PALMD: variants seen among roughly 807,000 people sequenced by gnomAD.
PALMD encodes paralemmin-like protein.
A neutral mutation model predicts 56.2 loss-of-function variants in PALMD; 42 were observed. The observed-to-expected ratio is 0.75, with a 90% confidence interval of 0.58 to 0.97. The LOEUF is 0.97. Among genes scored for constraint, PALMD ranks in the 50% least tolerant of loss-of-function variants. The pLI is 0.00. For synonymous variants in PALMD, 242 were observed against 222.9 expected (o/e 1.09, Z -0.76); for missense variants, 660 against 643.8 (o/e 1.03, Z -0.27).
chr1:99,689,110 C>T lies in PALMD; in HGVS notation c.850C>T (p.Gln284Ter), dbSNP rs775271208. 2 of 1,613,256 alleles carry T rather than the reference C, an allele frequency of 1.2e-6. No individual in the cohort carries two copies. The highest frequency in any genetic ancestry group is 1.1e-5 in the South Asian group (1 of 91,018). Residue 284 changes from glutamine to a stop codon, truncating the protein, a stop_gained, in exon 7 of 8, where the codon CAA (glutamine) becomes TAA (stop). Coordinates refer to ENST00000263174, the MANE Select transcript of PALMD (RefSeq NM_017734.5). LOFTEE classifies it high-confidence loss of function. ...RETVTPGPNF[Q>*]ERIKIKTNGL... The stretch of plus-strand genomic sequence containing the variant: ...AACGGTGACCCCTGGACCAAACTTT[C>T]AAGAAAGGATAAAGATTAAAACTAA...
At chr1:99,660,789 G>C (rs1652829929) in intron 1 of PALMD, among the ~76,000 whole-genome samples, 2 of 152,196 alleles carry the variant, frequency 1.3e-5, no homozygotes, top group Admixed American at 1.3e-4. Context: ...AGGAAGCTAA[G>C]GCAGGAGGAT....
chr1:99,680,726 T>A (rs1351734578), intron 3 of PALMD, among the ~76,000 whole-genome samples: 2 of 152,132 alleles, frequency 1.3e-5, no homozygotes, highest in Non-Finnish European at 2.9e-5. Flanking sequence ...GCTCTCCATT[T>A]GAAAAAATTT....
At position 99,662,499 on chromosome 1, in the gene PALMD, T is replaced by G; in HGVS notation, c.126+100T>G. ...AAAAAGCTTTAGGAAAGAAAAAAAT[T>G]TCAAGATAGTTTGACTAACATTGTA... is the stretch of plus-strand genomic sequence containing the variant. On this transcript the variant is annotated intron_variant, in intron 2 of 7. Coordinates refer to ENST00000263174, the MANE Select transcript of PALMD (RefSeq NM_017734.5). The G allele has an allele frequency of 4.1e-6, 3 of 725,928 alleles. No homozygotes were observed. In the South Asian group the frequency reaches 4.9e-5, roughly 12 times the overall value. 45.0% of individuals were successfully genotyped at this position (725,928 alleles called of 1,614,324 possible).
rs372107029 is a variant in PALMD at position 99,693,044 on chromosome 1, A to G, written c.1613-975A>G. On this transcript the variant is annotated intron_variant, in intron 7 of 7. Coordinates refer to ENST00000263174, the MANE Select transcript of PALMD (RefSeq NM_017734.5). ...TGGTCTTGTTACAGAATTAGATCCC[A>G]TCCCTTCTCATATTTGTGCAAAAAG... 6.6e-5 allele frequency among the ~76,000 whole-genome samples: 10 copies of G among 152,364 alleles called. 1 individual carries two copies. The highest frequency in any genetic ancestry group is 2.2e-4 in the African/African-American group (9 of 41,588).
intron 1 of PALMD, among the ~76,000 whole-genome samples, chr1:99,661,458 A>G (rs1234976728): frequency 6.6e-6 from 1 of 152,198 alleles, no homozygotes; most frequent in African/African-American, 2.4e-5. Flanking sequence ...GTACTGTTCT[A>G]GAAACTTTTA....
At chr1:99,667,921 C>A in intron 3 of PALMD, 155 bp downstream of exon 3, 2 of 648,118 alleles carry the variant, frequency 3.1e-6, no homozygotes, top group Non-Finnish European at 5.2e-6. Context: ...CACTGTCACC[C>A]AGGCTGGAGT....
intron 7 of PALMD, among the ~76,000 whole-genome samples, chr1:99,692,658 T>C (rs1653674930): frequency 1.3e-5 from 2 of 152,272 alleles, no homozygotes; most frequent in African/African-American, 4.8e-5. Flanking sequence ...GGAGTGACTG[T>C]AAGAAAAAGC....
chr1:99,667,544 C>T lies in PALMD; in HGVS notation c.127-98C>T, dbSNP rs11802869. On this transcript the variant is annotated intron_variant, in intron 2 of 7. Transcript: ENST00000263174. ...CTGACAGAAAATAATTCCTCTTTAACGTGTCACCTATTGAAATTCATAAGA... is the reference window on the plus strand; with the variant it reads ...CTGACAGAAAATAATTCCTCTTTAATGTGTCACCTATTGAAATTCATAAGA... 1,554 of 942,036 alleles carry T rather than the reference C, an allele frequency of 1.6e-3. 25 individuals are homozygous for T. The African/African-American group carries it at 0.023, about 14-fold the overall frequency. 58.4% of individuals were successfully genotyped at this position (942,036 alleles called of 1,614,324 possible). A position where few individuals can be genotyped will look rare whatever the true frequency, so the allele number is the denominator to read the frequency against.
intron 1 of PALMD, among the ~76,000 whole-genome samples, chr1:99,656,768 C>T (rs904707611): frequency 2.0e-5 from 3 of 152,148 alleles, no homozygotes; most frequent in African/African-American, 2.4e-5. Context: ...GATCTTCTTA[C>T]TAGTCTTGGC....
At chr1:99,691,114 G>C (rs976466021) in intron 7 of PALMD, among the ~76,000 whole-genome samples, 3 of 152,146 alleles carry the variant, frequency 2.0e-5, no homozygotes, top group Non-Finnish European at 2.9e-5. Context: ...ACAATGGAAA[G>C]TTGCAGATAC....
At chr1:99,682,866 C>T (rs1317490398) in intron 3 of PALMD, among the ~76,000 whole-genome samples, 1 of 151,412 alleles carries the variant, frequency 6.6e-6, no homozygotes, top group Admixed American at 6.6e-5. Flanking sequence ...ATTAGCCAGG[C>T]GTCGTGGTGC....
In PALMD at chr1:99,667,357, A is replaced by T. The variant is rs376508443; in HGVS notation, c.127-285A>T. Reference sequence around the variant, plus strand: ...CTGAAGACAGAAAGTGAGGGTCAGGATGGGGCTGCCAGGAGTATGGGGGCC... The same window carrying T: ...CTGAAGACAGAAAGTGAGGGTCAGGTTGGGGCTGCCAGGAGTATGGGGGCC... On this transcript the variant is annotated intron_variant, in intron 2 of 7. Transcript: ENST00000263174. Among the ~76,000 whole-genome samples the T allele has an allele frequency of 2.2e-4, 34 of 152,288 alleles. 1 individual carries two copies. The highest frequency in any genetic ancestry group is 7.5e-4 in the African/African-American group (31 of 41,570).
chr1:99,671,534 C>G (rs1653087157), intron 3 of PALMD, among the ~76,000 whole-genome samples: 1 of 152,178 alleles, frequency 6.6e-6, no homozygotes, highest in East Asian at 1.9e-4. Context: ...AACAACACTG[C>G]ACGGATCTTT....
chr1:99,674,943 A>G (rs1653168617), intron 3 of PALMD, among the ~76,000 whole-genome samples: 1 of 152,226 alleles, frequency 6.6e-6, no homozygotes, highest in Non-Finnish European at 1.5e-5. Context: ...ATTCTGCAGG[A>G]GAGTTTCCCG....
At chr1:99,653,663 C>G (rs551054886) in intron 1 of PALMD, among the ~76,000 whole-genome samples, 2 of 152,194 alleles carry the variant, frequency 1.3e-5, no homozygotes, top group South Asian at 4.1e-4. Context: ...TATCCACGTC[C>G]TCACTCTCTT....
chr1:99,690,253 T>G (rs12071556), intron 7 of PALMD, among the ~76,000 whole-genome samples: 12,294 of 152,222 alleles, frequency 0.081, 1,095 homozygotes, highest in African/African-American at 0.22. Context: ...TGATTTAAAC[T>G]TCTTATATAA....
chr1:99,664,205 T>C (rs1157550647), intron 2 of PALMD, among the ~76,000 whole-genome samples: 6 of 152,166 alleles, frequency 3.9e-5, no homozygotes, highest in African/African-American at 9.6e-5. Flanking sequence ...AAATGACACA[T>C]TGTCCTAATT....
At chr1:99,675,951 C>G (rs1424547102) in intron 3 of PALMD, among the ~76,000 whole-genome samples, 1 of 152,136 alleles carries the variant, frequency 6.6e-6, no homozygotes, top group Non-Finnish European at 1.5e-5. Flanking sequence ...GAGATTCACC[C>G]ATGCAAAAGC....
chr1:99,684,773 T>G (rs983729221), intron 3 of PALMD: 2 of 152,356 alleles, frequency 1.3e-5, no homozygotes, highest in African/African-American at 2.4e-5. Context: ...TGCCTCAGCT[T>G]CCCAAAGTGC....
Sources: gnomAD v4.1 joint callset for allele counts (sites outside exome capture counted in the v4.1 genomes callset) on GRCh38, gnomAD v4.1.1 for gene constraint, MANE v1.5 for transcripts, NCBI Gene and HGNC (gene_info 2026-07-23, HGNC 2026-07-21) for gene names.